Variants in GRM7 observed in about 807,000 individuals in gnomAD.
The protein encoded by GRM7 is metabotropic glutamate receptor 7.
GRM7 carries 35 observed loss-of-function variants against 84.5 expected under a neutral mutation model. The ratio of observed to expected loss-of-function variants is 0.41; its 90% CI spans 0.32 to 0.55. GRM7 has a LOEUF of 0.55. Ranked by LOEUF, GRM7 falls within the 20% of genes least tolerant of loss-of-function variation. GRM7 has a pLI of 0.19. For missense variants in GRM7, 1,003 were observed against 1,194.6 expected, an observed-to-expected ratio of 0.84 and a Z score of 2.36; for synonymous variants, 487 against 455.1, an observed-to-expected ratio of 1.07 and a Z score of -0.89.
intron 9 of GRM7, among the ~76,000 whole-genome samples, chr3:7,688,001 G>GT (rs565386171): frequency 2.3e-4 from 35 of 151,894 alleles, no homozygotes; most frequent in Non-Finnish European, 2.9e-4. Flanking sequence ...GAGATTTCAA[G>GT]TTTTTTTTGT....
At chr3:7,678,702 T>A (rs1700237763) in intron 8 of GRM7, among the ~76,000 whole-genome samples, 1 of 152,246 alleles carries the variant, frequency 6.6e-6, no homozygotes, top group South Asian at 2.1e-4. Flanking sequence ...TTTGGAGACA[T>A]ACATATTCAA....
chr3:6,887,336 T>C (rs913307231), intron 1 of GRM7, among the ~76,000 whole-genome samples: 1 of 151,992 alleles, frequency 6.6e-6, no homozygotes, highest in African/African-American at 2.4e-5. Context: ...CCCATTAACT[T>C]GTCATTTAGC....
intron 4 of GRM7, among the ~76,000 whole-genome samples, chr3:7,358,865 C>A (rs1326304166): frequency 6.6e-6 from 1 of 152,058 alleles, no homozygotes; most frequent in African/African-American, 2.4e-5. Flanking sequence ...CGCCTATAAT[C>A]CCAGCACTTT....
chr3:7,654,348 T>A (rs7627369), intron 8 of GRM7, among the ~76,000 whole-genome samples: 3,423 of 152,210 alleles, frequency 0.022, 62 homozygotes, highest in Middle Eastern at 0.065. Context: ...TCACTCCCAC[T>A]TCTGTTGGGT....
In GRM7 at chr3:7,431,921, TG is replaced by T. The variant is rs776757078; in HGVS notation, c.1174+16759del. On this transcript the variant is annotated intron_variant, in intron 5 of 9. Transcript: ENST00000357716. ...ATTAAGGTTTAAATACCTAGCAGGA[TG>T]TTTTTTTATTTTTCTTTAGTCCTGA... Among the ~76,000 whole-genome samples the T allele has an allele frequency of 4.6e-4, 58 of 126,180 alleles. 1 individual carries two copies. The highest frequency in any genetic ancestry group is 6.0e-4 in the Non-Finnish European group (32 of 53,408). The allele number at this position is 126,180 out of a possible 152,430, so 82.8% of individuals were successfully genotyped here. A position where few individuals can be genotyped will look rare whatever the true frequency, so the allele number is the denominator to read the frequency against.
At chr3:7,176,245 A>T (rs1025002646) in intron 2 of GRM7, among the ~76,000 whole-genome samples, 5 of 146,270 alleles carry the variant, frequency 3.4e-5, no homozygotes, top group Non-Finnish European at 7.5e-5. Context: ...AAAAAAAAAA[A>T]AAAAAAAAAA....
At chr3:7,043,184 C>T (rs1056917955) in intron 1 of GRM7, among the ~76,000 whole-genome samples, 1 of 152,174 alleles carries the variant, frequency 6.6e-6, no homozygotes, top group Non-Finnish European at 1.5e-5. Flanking sequence ...TGGCTTCAGG[C>T]AGTTACCCCA....
At chr3:6,890,748 C>T (rs1695901803) in intron 1 of GRM7, among the ~76,000 whole-genome samples, 1 of 152,118 alleles carries the variant, frequency 6.6e-6, no homozygotes, top group African/African-American at 2.4e-5. Context: ...TCTATTAGGT[C>T]TGCTTGGTGT....
intron 2 of GRM7, among the ~76,000 whole-genome samples, chr3:7,292,414 A>G (rs1699663912): frequency 6.6e-6 from 1 of 152,192 alleles, no homozygotes; most frequent in East Asian, 1.9e-4. Context: ...AGCTTAAAGT[A>G]TTGAAAGATG....
intron 7 of GRM7, among the ~76,000 whole-genome samples, chr3:7,495,000 G>C (rs1699651430): frequency 6.6e-6 from 1 of 152,124 alleles, no homozygotes; most frequent in South Asian, 2.1e-4. Flanking sequence ...TAGTATGACA[G>C]GTGATTTTCA....
At chr3:7,662,066 C>A (rs964992911) in intron 8 of GRM7, among the ~76,000 whole-genome samples, 2 of 151,768 alleles carry the variant, frequency 1.3e-5, no homozygotes, top group Non-Finnish European at 2.9e-5. Flanking sequence ...AACTACCCAG[C>A]AATAGAAATT....
At chr3:7,046,402 A>G (rs777126142) in intron 1 of GRM7, among the ~76,000 whole-genome samples, 4 of 152,146 alleles carry the variant, frequency 2.6e-5, no homozygotes, top group Non-Finnish European at 5.9e-5. Flanking sequence ...AAACAAAAAT[A>G]CCATCATTTC....
At chr3:7,686,648 G>A (rs868738567) in intron 9 of GRM7, among the ~76,000 whole-genome samples, 4 of 152,164 alleles carry the variant, frequency 2.6e-5, no homozygotes, top group African/African-American at 9.6e-5. Flanking sequence ...TAAGGAACAC[G>A]TTTATGAGTA....
intron 8 of GRM7, among the ~76,000 whole-genome samples, chr3:7,651,061 C>T (rs1559464996): frequency 6.6e-6 from 1 of 152,160 alleles, no homozygotes; most frequent in Non-Finnish European, 1.5e-5. Flanking sequence ...TTATTCAACA[C>T]ATGAAGCTTA....
chr3:7,399,369 C>G (rs1695351037), intron 4 of GRM7, among the ~76,000 whole-genome samples: 1 of 152,060 alleles, frequency 6.6e-6, no homozygotes, highest in South Asian at 2.1e-4. Context: ...CTTATTACTT[C>G]TTAGTCAACT....
At chr3:7,162,186 T>C (rs965270371) in intron 2 of GRM7, among the ~76,000 whole-genome samples, 1 of 152,118 alleles carries the variant, frequency 6.6e-6, no homozygotes, top group Non-Finnish European at 1.5e-5. Flanking sequence ...TGTATAAATC[T>C]AGAGTTAAGA....
chr3:7,374,744 G>A (rs1694276370), intron 4 of GRM7, among the ~76,000 whole-genome samples: 1 of 151,456 alleles, frequency 6.6e-6, no homozygotes, highest in South Asian at 2.1e-4. Context: ...GCCTGCCTCG[G>A]CCTCCCAAAG....
intron 2 of GRM7, among the ~76,000 whole-genome samples, chr3:7,148,212 C>T (rs1694169778): frequency 6.6e-6 from 1 of 152,090 alleles, no homozygotes; most frequent in Admixed American, 6.6e-5. Context: ...GTTTTTCTTT[C>T]TTTCTTTGTT....
intron 5 of GRM7, among the ~76,000 whole-genome samples, chr3:7,429,165 TGAC>T (rs951614460): frequency 1.3e-5 from 2 of 152,178 alleles, no homozygotes; most frequent in Non-Finnish European, 2.9e-5. Flanking sequence ...TCTAAAATGT[TGAC>T]GATAATAATA....
Sources: gnomAD v4.1 joint callset for allele counts (sites outside exome capture counted in the v4.1 genomes callset) on GRCh38, gnomAD v4.1.1 for gene constraint, MANE v1.5 for transcripts, NCBI Gene and HGNC (gene_info 2026-07-23, HGNC 2026-07-21) for gene names.